The following ZNRF1 variants were observed in gnomAD, a reference collection of about 807,000 sequenced individuals.
ZNRF1 encodes the protein E3 ubiquitin-protein ligase ZNRF1.
A neutral mutation model predicts 18.4 loss-of-function variants in ZNRF1; 3 were observed. The observed-to-expected ratio is 0.16, with a 90% CI of 0.07 to 0.42. The LOEUF is 0.42. Ranked by LOEUF, ZNRF1 falls within the 10% of genes least tolerant of loss-of-function variation. The probability of loss-of-function intolerance (pLI) is 0.99; values close to 1 mark genes in which losing one functional copy is unlikely to be tolerated. For synonymous variants in ZNRF1, 157 were observed against 144.2 expected (o/e 1.09, Z -0.64); for missense variants, 310 against 329.8 (o/e 0.94, Z 0.47).
rs997512081 is a variant in ZNRF1 at position 75,110,286 on chromosome 16, A to C, written c.*2586A>C. On this transcript the variant is annotated 3_prime_UTR_variant, in exon 5 of 5. Transcript: ENST00000335325. ...GTGGAGCTCATGTTTGTGATCCTCT[A>C]TCTGGACAGCTCTCCAGAATCCTGT... 3.3e-5 allele frequency: 5 copies of C among 152,286 alleles called. No individual in the cohort carries two copies. The highest frequency in any genetic ancestry group is 1.2e-4 in the African/African-American group (5 of 41,458). The allele number at this position is 152,286 out of a possible 1,614,324, so 9.4% of individuals were successfully genotyped here. A position where few individuals can be genotyped will look rare whatever the true frequency, so the allele number is the denominator to read the frequency against.
intron 1 of ZNRF1, among the ~76,000 whole-genome samples, chr16:75,090,643 C>CAGAA (rs1315710349): frequency 6.6e-6 from 1 of 152,138 alleles, no homozygotes; most frequent in African/African-American, 2.4e-5. Flanking sequence ...GTGACATGCT[C>CAGAA]AGATGCTAAG....
At chr16:75,020,262 A>G (rs2035126869) in intron 1 of ZNRF1, among the ~76,000 whole-genome samples, 1 of 151,682 alleles carries the variant, frequency 6.6e-6, no homozygotes, top group Non-Finnish European at 1.5e-5. Flanking sequence ...ATCTTTTCTT[A>G]TCCCTTTTCT....
chr16:75,008,963 G>C (rs1032108130), intron 1 of ZNRF1, among the ~76,000 whole-genome samples: 2 of 152,150 alleles, frequency 1.3e-5, no homozygotes, highest in Non-Finnish European at 2.9e-5. Flanking sequence ...GTATGTCTCA[G>C]TATGAGGGGT....
At position 75,107,892 on chromosome 16, in the gene ZNRF1, A is replaced by G. The variant is rs2036336857; in HGVS notation, c.*192A>G. On this transcript the variant is annotated 3_prime_UTR_variant, in exon 5 of 5. Transcript: ENST00000335325. ...ACCAAATTGGATGAGAGCAAGTTTG[A>G]GAGAAGAATGAATCAACTGCTATCC... is the stretch of plus-strand genomic sequence containing the variant. 2.3e-6 allele frequency: 1 copy of G among 434,892 alleles called. No homozygotes were observed. The highest frequency in any genetic ancestry group is 7.2e-5 in the East Asian group (1 of 13,842). 26.9% of individuals were successfully genotyped at this position (434,892 alleles called of 1,614,324 possible).
chr16:75,040,876 G>C (rs554687942), intron 1 of ZNRF1, among the ~76,000 whole-genome samples: 1 of 152,164 alleles, frequency 6.6e-6, no homozygotes, highest in African/African-American at 2.4e-5. Flanking sequence ...CCAAAGTGCA[G>C]GGATTACAGG....
At chr16:75,070,989 C>A (rs562549400) in intron 1 of ZNRF1, among the ~76,000 whole-genome samples, 2 of 152,172 alleles carry the variant, frequency 1.3e-5, no homozygotes, top group Non-Finnish European at 2.9e-5. Flanking sequence ...ATTTATTATG[C>A]CCATGGACTA....
intron 1 of ZNRF1, among the ~76,000 whole-genome samples, chr16:75,017,840 A>G (rs1037673424): frequency 8.5e-5 from 13 of 152,166 alleles, no homozygotes; most frequent in African/African-American, 3.1e-4. Context: ...AGTTTGGCTC[A>G]GCTGAGCCAG....
At chr16:75,019,420 A>T (rs182918336) in intron 1 of ZNRF1, among the ~76,000 whole-genome samples, 303 of 152,046 alleles carry the variant, frequency 2.0e-3, no homozygotes, top group Non-Finnish European at 3.2e-3. Context: ...GTATTTTCAA[A>T]TTTTTTTTAA....
intron 1 of ZNRF1, among the ~76,000 whole-genome samples, chr16:75,071,098 CT>C (rs56690008): frequency 2.0e-4 from 29 of 143,472 alleles, no homozygotes; most frequent in South Asian, 4.5e-4. Context: ...GCACAGGTGT[CT>C]TTTTTTTTTT....
At chr16:75,079,821 G>T (rs2035988031) in intron 1 of ZNRF1, among the ~76,000 whole-genome samples, 1 of 152,242 alleles carries the variant, frequency 6.6e-6, no homozygotes, top group African/African-American at 2.4e-5. Flanking sequence ...TGATGACAGG[G>T]TACCAGGACT....
intron 2 of ZNRF1, chr16:75,104,455 T>C (rs1032648869): frequency 1.8e-5 from 4 of 223,380 alleles, no homozygotes; most frequent in African/African-American, 4.6e-5. Context: ...AAAGCATCTG[T>C]GGAGGGAAAC....
chr16:75,108,766 G>A lies in ZNRF1; in HGVS notation c.*1066G>A. On this transcript the variant is annotated 3_prime_UTR_variant, in exon 5 of 5. Coordinates refer to ENST00000335325, the MANE Select transcript of ZNRF1 (RefSeq NM_032268.5). ...TTATACAATCAAGAAATGGGGGCAAGGGCCTGCCCCCCACTCCCTCACCTA... is the reference window on the plus strand; with the variant it reads ...TTATACAATCAAGAAATGGGGGCAAAGGCCTGCCCCCCACTCCCTCACCTA... The A allele has an allele frequency of 2.6e-6, 1 of 381,150 alleles. No individual in the cohort carries two copies. Among genetic ancestry groups the A allele is most frequent in the East Asian group, 3.7e-5 (1 of 26,874 alleles). The allele number at this position is 381,150 out of a possible 1,614,324, so 23.6% of individuals were successfully genotyped here.
intron 1 of ZNRF1, among the ~76,000 whole-genome samples, chr16:75,007,281 C>T (rs1409617741): frequency 2.0e-5 from 3 of 151,760 alleles, no homozygotes; most frequent in African/African-American, 7.3e-5. Context: ...TCTTAAACTC[C>T]TGGGCTCAAG....
At chr16:75,054,559 C>G (rs976867430) in intron 1 of ZNRF1, among the ~76,000 whole-genome samples, 1 of 152,350 alleles carries the variant, frequency 6.6e-6, no homozygotes, top group African/African-American at 2.4e-5. Context: ...GTGGGCTTCT[C>G]AGTCCTCATG....
At chr16:75,051,539 A>G (rs1226501300) in intron 1 of ZNRF1, among the ~76,000 whole-genome samples, 5 of 141,650 alleles carry the variant, frequency 3.5e-5, no homozygotes, top group African/African-American at 1.4e-4. Flanking sequence ...TTTGGGGGGG[A>G]CGGAGTCTTG....
intron 1 of ZNRF1, among the ~76,000 whole-genome samples, chr16:75,031,898 A>C (rs2035309988): frequency 1.3e-5 from 2 of 152,092 alleles, no homozygotes; most frequent in Admixed American, 1.3e-4. Flanking sequence ...CTTTAATTGA[A>C]TCTTTTTGAG....
chr16:75,007,309 C>T (rs2034934424), intron 1 of ZNRF1, among the ~76,000 whole-genome samples: 1 of 152,142 alleles, frequency 6.6e-6, no homozygotes. Context: ...CCTGCCTCAG[C>T]CTCCTAAAGT....
chr16:75,011,289 G>A (rs3135), intron 1 of ZNRF1, among the ~76,000 whole-genome samples: 62,687 of 152,046 alleles, frequency 0.41, 15,216 homozygotes, highest in Non-Finnish European at 0.55. Flanking sequence ...CTGTAATATT[G>A]TTCTAGTCCA....
At chr16:75,057,518 C>T (rs548404921) in intron 1 of ZNRF1, among the ~76,000 whole-genome samples, 17 of 152,266 alleles carry the variant, frequency 1.1e-4, no homozygotes, top group South Asian at 1.0e-3. Context: ...CTATCTTGAC[C>T]GCTTTCATTT....
Sources: gnomAD v4.1 joint callset for allele counts (sites outside exome capture counted in the v4.1 genomes callset) on GRCh38, gnomAD v4.1.1 for gene constraint, MANE v1.5 for transcripts, NCBI Gene and HGNC (gene_info 2026-07-23, HGNC 2026-07-21) for gene names.